SYTL2: variants seen among roughly 807,000 people sequenced by gnomAD.
SYTL2 encodes the protein synaptotagmin-like protein 2.
A neutral mutation model predicts 198.7 loss-of-function variants in SYTL2; 165 were observed. The observed-to-expected ratio is 0.83, with a 90% CI of 0.73 to 0.94. The LOEUF (loss-of-function observed/expected upper bound fraction) is 0.94. Among genes scored for constraint, SYTL2 ranks in the 40% least tolerant of loss-of-function variants. SYTL2 has a pLI of 0.00. For missense variants in SYTL2, 2,835 were observed against 2,582.8 expected, an observed-to-expected ratio of 1.10 and a Z score of -2.12; for synonymous variants, 966 against 917.7, an observed-to-expected ratio of 1.05 and a Z score of -0.95.
At chr11:85,712,695 TACAC>T (rs200738930) in intron 12 of SYTL2, among the ~76,000 whole-genome samples, 1,991 of 145,556 alleles carry the variant, frequency 0.014, 21 homozygotes, top group African/African-American at 0.031. Flanking sequence ...AAAATACATA[TACAC>T]ACACACACAC....
chr11:85,819,740 G>T, the SYTL2 span, among the ~76,000 whole-genome samples: 2 of 152,110 alleles, frequency 1.3e-5, no homozygotes, highest in African/African-American at 4.8e-5. Flanking sequence ...CCATTCAACT[G>T]GATTCTAGTT....
the SYTL2 span, among the ~76,000 whole-genome samples, chr11:85,819,182 G>T: frequency 6.6e-6 from 1 of 152,096 alleles, no homozygotes; most frequent in Non-Finnish European, 1.5e-5. Context: ...TAGCTTTTCT[G>T]AAAATTGTGC....
At chr11:85,733,816 G>A (rs1356502204) in intron 7 of SYTL2, 123 bp downstream of exon 7, 3 of 727,274 alleles carry the variant, frequency 4.1e-6, no homozygotes, top group Non-Finnish European at 6.9e-6. Flanking sequence ...AGCCAGGATG[G>A]TCTCGATCTC....
At chr11:85,817,897 C>CTTTTTTTTTTTTTT in the SYTL2 span, among the ~76,000 whole-genome samples, 2 of 119,872 alleles carry the variant, frequency 1.7e-5, 1 homozygote. Context: ...ACCTTTGTGT[C>CTTTTTTTTTTTTTT]TTTTCTTTTT....
chr11:85,789,338 GTGTATATATATATATATA>G (rs1482286314), intron 1 of SYTL2, among the ~76,000 whole-genome samples: 5 of 27,090 alleles, frequency 1.8e-4, no homozygotes, highest in African/African-American at 5.7e-4. Context: ...GTGTGTGTGT[GTGTATATATATATATATA>G]TATATATATA....
rs1437395532 is a variant in SYTL2 at position 85,736,615 on chromosome 11, G to C, written c.472C>G (p.Gln158Glu). 8 of 1,489,986 alleles carry C rather than the reference G, an allele frequency of 5.4e-6. No homozygotes were observed. The highest frequency in any genetic ancestry group is 4.5e-5 in the East Asian group (2 of 44,128). The allele number at this position is 1,489,986 out of a possible 1,614,324, so 92.3% of individuals were successfully genotyped here. ...GAGCTATTAAACGGATTCTTCCTCT[G>C]CTGGGGACAAATATTGTTTATTAAA... ...TRKPNVSPEK[Q>E]RKNPFNSSKL... is the part of the protein sequence containing the mutation. Residue 158 changes from glutamine to glutamate, a missense_variant and splice_region_variant, in exon 6 of 20, where the codon CAG (glutamine) becomes GAG (glutamate). Around this residue, in one of 3 missense-constraint regions of SYTL2, gnomAD observed 2,645 missense variants for 2,381.7 expected, o/e 1.11. Coordinates refer to ENST00000359152, the MANE Select transcript of SYTL2 (RefSeq NM_206927.4).
At position 85,741,503 on chromosome 11, in the gene SYTL2, T is replaced by C. The variant is rs146755167; in HGVS notation, c.390-3847A>G. On this transcript the variant is annotated intron_variant, in intron 4 of 19. Coordinates refer to ENST00000359152, the MANE Select transcript of SYTL2 (RefSeq NM_206927.4). ...ACTGATATGAGTAAATCTGAGCTCTTATAGAATTAAGAATTATTATTTTAA... is the reference window on the plus strand; with the variant it reads ...ACTGATATGAGTAAATCTGAGCTCTCATAGAATTAAGAATTATTATTTTAA... Among the ~76,000 whole-genome samples the C allele has an allele frequency of 5.9e-5, 9 of 152,334 alleles. No individual in the cohort carries two copies. In the East Asian group the frequency reaches 1.3e-3, roughly 23 times the overall value.
intron 1 of SYTL2, among the ~76,000 whole-genome samples, chr11:85,801,545 A>C (rs944779883): frequency 2.6e-5 from 4 of 152,216 alleles, no homozygotes; most frequent in Non-Finnish European, 5.9e-5. Context: ...GCTTTAATAT[A>C]TGTTATCTCC....
intron 1 of SYTL2, among the ~76,000 whole-genome samples, chr11:85,760,736 C>T (rs1258390924): frequency 6.6e-6 from 1 of 152,086 alleles, no homozygotes; most frequent in Non-Finnish European, 1.5e-5. Flanking sequence ...GCAACATTGG[C>T]TTCCACGCCT....
At chr11:85,739,622 T>C (rs1413984582) in intron 4 of SYTL2, among the ~76,000 whole-genome samples, 3 of 152,212 alleles carry the variant, frequency 2.0e-5, no homozygotes, top group Non-Finnish European at 4.4e-5. Context: ...CTGTCTTTTA[T>C]TGGGCAATCA....
At chr11:85,722,281 C>T (rs970943289) in intron 8 of SYTL2, among the ~76,000 whole-genome samples, 21 of 150,374 alleles carry the variant, frequency 1.4e-4, no homozygotes, top group African/African-American at 5.2e-4. Flanking sequence ...GGGTTCACAC[C>T]ATTCTGCTGC....
the SYTL2 span, among the ~76,000 whole-genome samples, chr11:85,849,523 C>A: frequency 6.6e-6 from 1 of 152,208 alleles, no homozygotes; most frequent in South Asian, 2.1e-4. Flanking sequence ...AGCCAGTTTT[C>A]CCAGCACCAT....
At chr11:85,794,518 C>T (rs60422843) in intron 1 of SYTL2, among the ~76,000 whole-genome samples, 4 of 152,102 alleles carry the variant, frequency 2.6e-5, no homozygotes, top group Non-Finnish European at 4.4e-5. Flanking sequence ...AATAACAAAA[C>T]CTCCCACTTT....
chr11:85,718,708 C>T, intron 10 of SYTL2, 82 bp downstream of exon 10: 2 of 1,297,676 alleles, frequency 1.5e-6, no homozygotes, highest in Non-Finnish European at 2.2e-6. Flanking sequence ...TCTGTTTACC[C>T]AACAGCTGCG....
At chr11:85,813,510 C>G (rs1457204016), upstream of SYTL2, among the ~76,000 whole-genome samples, 2 of 152,158 alleles carry the variant, frequency 1.3e-5, no homozygotes, top group African/African-American at 4.8e-5. Context: ...ATAAGTGACA[C>G]TTAAACTTTA....
chr11:85,789,247 C>T (rs2092683791), intron 1 of SYTL2, among the ~76,000 whole-genome samples: 1 of 147,246 alleles, frequency 6.8e-6, no homozygotes, highest in Admixed American at 6.9e-5. Context: ...CAGGCACACA[C>T]CACCATACCT....
In SYTL2 at chr11:85,757,484, G is replaced by C. The variant is rs1269815419; in HGVS notation, c.101+141C>G. ...CCAAGAGGAAAAATGTTTTGTCCAGGAAGTAAACCTAAAATTGGAATCCAT... is the reference window on the plus strand; with the variant it reads ...CCAAGAGGAAAAATGTTTTGTCCAGCAAGTAAACCTAAAATTGGAATCCAT... On this transcript the variant is annotated intron_variant, in intron 2 of 19. Transcript: ENST00000359152. 3 of 924,196 alleles carry C rather than the reference G, an allele frequency of 3.2e-6. No individual in the cohort carries two copies. The African/African-American group carries it at 4.9e-5, about 15-fold the overall frequency. 57.2% of individuals were successfully genotyped at this position (924,196 alleles called of 1,614,324 possible). A position where few individuals can be genotyped will look rare whatever the true frequency, so the allele number is the denominator to read the frequency against.
At chr11:85,792,700 C>A (rs2092747276) in intron 1 of SYTL2, among the ~76,000 whole-genome samples, 1 of 151,406 alleles carries the variant, frequency 6.6e-6, no homozygotes, top group South Asian at 2.1e-4. Context: ...CATATGTATA[C>A]ATGTGCCATG....
At chr11:85,771,055 A>G (rs113427719) in intron 1 of SYTL2, among the ~76,000 whole-genome samples, 5 of 152,356 alleles carry the variant, frequency 3.3e-5, no homozygotes, top group African/African-American at 1.2e-4. Context: ...ATTATTCAAT[A>G]ACTAACATTT....
Sources: allele counts gnomAD v4.1 joint callset (sites outside exome capture counted in the v4.1 genomes callset), GRCh38; gene constraint gnomAD v4.1.1; regional missense constraint gnomAD v4.1.1; transcripts MANE v1.5; gene names NCBI Gene and HGNC (gene_info 2026-07-23, HGNC 2026-07-21).